The following DPP4 variants were observed in gnomAD, a reference collection of about 807,000 sequenced individuals.
The protein encoded by DPP4 is dipeptidyl peptidase 4.
DPP4 carries 93 observed loss-of-function variants against 122.4 expected under a neutral mutation model. That is an observed-to-expected ratio of 0.76 (90% CI 0.64 to 0.90). The LOEUF (loss-of-function observed/expected upper bound fraction) is 0.90, where lower values mean the gene tolerates loss of function less well. Among genes scored for constraint, DPP4 ranks in the 40% least tolerant of loss-of-function variants. The probability of loss-of-function intolerance (pLI) is 0.00; values close to 1 mark genes in which losing one functional copy is unlikely to be tolerated. For synonymous variants in DPP4, 321 were observed against 302.9 expected (o/e 1.06, Z -0.62); for missense variants, 914 against 907.3 (o/e 1.01, Z -0.09).
Position 162,018,780 on chromosome 2 carries a change from A to G in DPP4, c.1369T>C (p.Tyr457His). The G allele has an allele frequency of 6.2e-7, 1 of 1,614,210 alleles. No individual in the cohort carries two copies. The highest frequency in any genetic ancestry group is 1.1e-5 in the South Asian group (1 of 91,086). ...CELNPERCQY[Y>H]SVSFSKEAKY... ...GCCTCTTTACTGAATGACACAGAAT[A>G]GTACTGACACCTTTCCGGATTCAGC... Residue 457 changes from tyrosine to histidine, a missense_variant, in exon 16 of 26, where the codon TAT (tyrosine) becomes CAT (histidine). Transcript: ENST00000360534.
intron 10 of DPP4, among the ~76,000 whole-genome samples, chr2:162,032,496 C>G (rs576339968): frequency 3.9e-5 from 6 of 152,162 alleles, no homozygotes; most frequent in African/African-American, 1.4e-4. Flanking sequence ...ACCAGCCTGA[C>G]CAACATGGTG....
intron 5 of DPP4, among the ~76,000 whole-genome samples, chr2:162,041,396 T>C (rs1464639926): frequency 6.6e-6 from 1 of 152,094 alleles, no homozygotes; most frequent in Non-Finnish European, 1.5e-5. Context: ...TACAATAAAA[T>C]TCTAATTGTA....
At chr2:162,044,048 T>G (rs2106130747) in intron 5 of DPP4, among the ~76,000 whole-genome samples, 1 of 152,202 alleles carries the variant, frequency 6.6e-6, no homozygotes, top group Admixed American at 6.5e-5. Context: ...AAAAAGATAC[T>G]GATTCTGGCT....
intron 10 of DPP4, 148 bp downstream of exon 10, chr2:162,033,393 A>C (rs184738602): frequency 8.1e-5 from 47 of 576,958 alleles, no homozygotes; most frequent in Non-Finnish European, 1.3e-4. Flanking sequence ...GATGCTCAAC[A>C]AAGAGTTGCT....
intron 23 of DPP4, among the ~76,000 whole-genome samples, chr2:162,000,146 C>A (rs1449484371): frequency 6.6e-6 from 1 of 152,034 alleles, no homozygotes; most frequent in Non-Finnish European, 1.5e-5. Flanking sequence ...GGACAGCAAC[C>A]CAGCACTTCA....
intron 10 of DPP4, among the ~76,000 whole-genome samples, chr2:162,025,951 C>G (rs1423305499): frequency 1.3e-5 from 2 of 152,140 alleles, no homozygotes; most frequent in African/African-American, 2.4e-5. Flanking sequence ...TGACTGCAAG[C>G]TCTTTTACAG....
At chr2:162,020,094 A>C in intron 14 of DPP4, 135 bp downstream of exon 14, 1 of 726,978 alleles carries the variant, frequency 1.4e-6, no homozygotes, top group East Asian at 2.7e-5. Context: ...TCCGTATGTT[A>C]AAAAGAAAAA....
intron 11 of DPP4, 126 bp from the exon 12 acceptor site, chr2:162,022,925 T>C (rs1683187360): frequency 1.0e-6 from 1 of 953,600 alleles, no homozygotes; most frequent in Admixed American, 1.8e-5. Flanking sequence ...ATTCATATAT[T>C]TCTATTTATG....
Position 162,030,242 on chromosome 2 carries a change from C to T in DPP4, c.887+3299G>A, listed in dbSNP as rs117331863. ...ATAGCATCATAACAAATCTAATCAA[C>T]TTTAGCACTAAATCAATGCAGGCAG... On this transcript the variant is annotated intron_variant, in intron 10 of 25. Coordinates refer to ENST00000360534, the MANE Select transcript of DPP4 (RefSeq NM_001935.4). 5.8e-4 allele frequency among the ~76,000 whole-genome samples: 89 copies of T among 152,340 alleles called. 1 individual carries two copies. In the East Asian group the frequency reaches 0.015, roughly 26 times the overall value.
At chr2:162,033,862 G>GTATATATATATACA (rs1683659418) in intron 9 of DPP4, among the ~76,000 whole-genome samples, 1 of 104,026 alleles carries the variant, frequency 9.6e-6, no homozygotes, top group Non-Finnish European at 1.9e-5. Flanking sequence ...CAGAATATGT[G>GTATATATATATACA]TATATATATA....
At chr2:162,053,553 G>A (rs530892764) in intron 2 of DPP4, among the ~76,000 whole-genome samples, 74 of 152,340 alleles carry the variant, frequency 4.9e-4, no homozygotes, top group African/African-American at 1.7e-3. Context: ...TTGGCCTAGG[G>A]GAAAGGACTA....
chr2:162,008,593 G>A lies in DPP4; in HGVS notation c.1956C>T (p.Ala652=), dbSNP rs754620953. 27 of 1,613,310 alleles carry A rather than the reference G, an allele frequency of 1.7e-5. No homozygotes were observed. Among genetic ancestry groups the A allele is most frequent in the African/African-American group, 2.7e-5 (2 of 74,806 alleles). Residue 652 remains alanine (A), a synonymous_variant, in exon 22 of 26, where the codon GCC becomes GCT. Coordinates refer to ENST00000360534, the MANE Select transcript of DPP4 (RefSeq NM_001935.4). ...SGSGVFKCGI[A]VAPVSRWEYY... ...ACTCCCACCGGGATACAGGCGCCAC[G>A]GCTATTCCACACTTGAACACGCCAC...
chr2:162,028,011 A>C (rs1335376090), intron 10 of DPP4, among the ~76,000 whole-genome samples: 1 of 151,576 alleles, frequency 6.6e-6, no homozygotes, highest in Admixed American at 6.6e-5. Context: ...CTTCAGTGGC[A>C]GCCTTGAGCC....
intron 2 of DPP4, among the ~76,000 whole-genome samples, chr2:162,060,682 C>T (rs950980700): frequency 2.6e-5 from 4 of 152,162 alleles, no homozygotes; most frequent in African/African-American, 9.7e-5. Flanking sequence ...CTACCAAGCT[C>T]ATCAGTTCTG....
chr2:162,019,179 G>C, intron 15 of DPP4, 44 bp downstream of exon 15: 1 of 1,511,158 alleles, frequency 6.6e-7, no homozygotes, highest in Non-Finnish European at 9.1e-7. Flanking sequence ...GAAATTGTTC[G>C]TCAGCTAAAA....
rs1047643662 is a variant in DPP4 at position 161,995,054 on chromosome 2, A to G, written c.2126-20T>C. The G allele has an allele frequency of 1.4e-5, 23 of 1,613,694 alleles. No homozygotes were observed. The highest frequency in any genetic ancestry group is 1.9e-5 in the Non-Finnish European group (23 of 1,179,724). On this transcript the variant is annotated intron_variant, in intron 24 of 25. Transcript: ENST00000360534. ...CGTTATCTGCAGGGAGAGAAAGGAA[A>G]CATAAAGTAGCTAATAGCCACTCCA...
At chr2:162,055,494 C>T (rs959594058) in intron 2 of DPP4, among the ~76,000 whole-genome samples, 10 of 151,872 alleles carry the variant, frequency 6.6e-5, no homozygotes, top group South Asian at 2.1e-4. Context: ...CTCAGGAGTT[C>T]GAGACCAGCC....
At chr2:162,042,583 T>C (rs1322155460) in intron 5 of DPP4, among the ~76,000 whole-genome samples, 1 of 151,050 alleles carries the variant, frequency 6.6e-6, no homozygotes, top group Non-Finnish European at 1.5e-5. Flanking sequence ...TCAAAACGTA[T>C]ATGCTGTACA....
intron 5 of DPP4, among the ~76,000 whole-genome samples, chr2:162,044,624 G>A (rs1474691654): frequency 6.6e-6 from 1 of 152,160 alleles, no homozygotes. Flanking sequence ...TTCACTACAT[G>A]TCTCAAAACT....
Sources: allele counts gnomAD v4.1 joint callset (sites outside exome capture counted in the v4.1 genomes callset), GRCh38; gene constraint gnomAD v4.1.1; transcripts MANE v1.5; gene names NCBI Gene and HGNC (gene_info 2026-07-23, HGNC 2026-07-21).